Variants in NRXN1 observed in about 807,000 individuals in gnomAD.
The protein encoded by NRXN1 is neurexin-1.
NRXN1 carries 39 observed loss-of-function variants against 150.9 expected under a neutral mutation model. That is an observed-to-expected ratio of 0.26 (90% CI 0.20 to 0.34). The LOEUF is 0.34. Among genes scored for constraint, NRXN1 ranks in the 10% least tolerant of loss-of-function variants. NRXN1 has a pLI of 1.00. For synonymous variants in NRXN1, 924 were observed against 757.0 expected, an observed-to-expected ratio of 1.22 and a Z score of -3.62; for missense variants, 1,815 against 1,949.9, an observed-to-expected ratio of 0.93 and a Z score of 1.30.
At chr2:50,388,919 C>T (rs1036085219) in intron 17 of NRXN1, among the ~76,000 whole-genome samples, 1 of 151,948 alleles carries the variant, frequency 6.6e-6, no homozygotes, top group African/African-American at 2.4e-5. Flanking sequence ...ATTATGTGGT[C>T]ACTACATTAA....
chr2:50,151,511 G>A (rs1042504165), intron 18 of NRXN1, among the ~76,000 whole-genome samples: 1 of 151,666 alleles, frequency 6.6e-6, no homozygotes, highest in Admixed American at 6.6e-5. Context: ...AAACAGGGGA[G>A]GTTAGGCCTC....
At chr2:50,392,572 A>G (rs1432932227) in intron 17 of NRXN1, among the ~76,000 whole-genome samples, 1 of 152,170 alleles carries the variant, frequency 6.6e-6, no homozygotes, top group Non-Finnish European at 1.5e-5. Context: ...ATTTTGAGCT[A>G]AACTCTCAGA....
At chr2:50,837,618 T>C (rs914476687) in intron 5 of NRXN1, among the ~76,000 whole-genome samples, 2 of 152,130 alleles carry the variant, frequency 1.3e-5, no homozygotes, top group African/African-American at 4.8e-5. Flanking sequence ...AAATCAATAT[T>C]ATTTCTGAAC....
intron 12 of NRXN1, among the ~76,000 whole-genome samples, chr2:50,515,789 CT>C (rs750192091): frequency 6.6e-6 from 1 of 152,044 alleles, no homozygotes; most frequent in Non-Finnish European, 1.5e-5. Context: ...GGAAGCAAGC[CT>C]TGTCATTGTG....
chr2:50,543,374 T>G (rs1320498378), intron 9 of NRXN1, among the ~76,000 whole-genome samples: 1 of 152,118 alleles, frequency 6.6e-6, no homozygotes, highest in Non-Finnish European at 1.5e-5. Context: ...TATTTAAGAA[T>G]CTGAAGCACC....
intron 2 of NRXN1, among the ~76,000 whole-genome samples, chr2:51,007,094 G>A (rs1213535207): frequency 1.3e-5 from 2 of 151,860 alleles, no homozygotes. Flanking sequence ...TTTTTCTCTA[G>A]TGCATAAATT....
intron 18 of NRXN1, among the ~76,000 whole-genome samples, chr2:50,208,593 G>A (rs57411637): frequency 0.25 from 37,987 of 151,880 alleles, 5,243 homozygotes; most frequent in East Asian, 0.43. Context: ...GGTGGTGGAG[G>A]GTCTTGGCTC....
At chr2:50,072,687 T>C (rs1157498951) in intron 19 of NRXN1, among the ~76,000 whole-genome samples, 1 of 152,142 alleles carries the variant, frequency 6.6e-6, no homozygotes, top group Non-Finnish European at 1.5e-5. Context: ...CTTACATTGT[T>C]GTGCTTTTTC....
intron 19 of NRXN1, among the ~76,000 whole-genome samples, chr2:50,079,255 T>C (rs960832829): frequency 6.6e-6 from 1 of 152,110 alleles, no homozygotes; most frequent in African/African-American, 2.4e-5. Context: ...CGCTCCTTTG[T>C]CATGCTTCTC....
chr2:50,251,022 A>G (rs147332228), intron 17 of NRXN1, among the ~76,000 whole-genome samples: 2,740 of 150,668 alleles, frequency 0.018, 86 homozygotes, highest in African/African-American at 0.064. Context: ...AATATTACAT[A>G]TTGTATATGT....
At chr2:50,768,434 G>A (rs1702608745) in intron 5 of NRXN1, among the ~76,000 whole-genome samples, 2 of 151,580 alleles carry the variant, frequency 1.3e-5, no homozygotes, top group African/African-American at 2.4e-5. Context: ...TCAACCTCCT[G>A]AGTAGCTAGG....
At chr2:50,384,505 C>CAAAAAAAAAA (rs56052881) in intron 17 of NRXN1, among the ~76,000 whole-genome samples, 2 of 55,970 alleles carry the variant, frequency 3.6e-5, no homozygotes, top group African/African-American at 1.3e-4. Context: ...GACTCCATCT[C>CAAAAAAAAAA]AAAAAAAAAA....
intron 5 of NRXN1, among the ~76,000 whole-genome samples, chr2:50,902,350 T>C (rs932056214): frequency 3.3e-5 from 5 of 149,938 alleles, no homozygotes; most frequent in Admixed American, 2.0e-4. Flanking sequence ...GAGTTTAGAA[T>C]AGAAGAAGAA....
At chr2:50,833,622 AG>A (rs1559328911) in intron 5 of NRXN1, among the ~76,000 whole-genome samples, 1 of 152,194 alleles carries the variant, frequency 6.6e-6, no homozygotes, top group Non-Finnish European at 1.5e-5. Context: ...AGAAATGGTC[AG>A]TGGATGCCAT....
intron 18 of NRXN1, among the ~76,000 whole-genome samples, chr2:50,164,742 T>C (rs2059570769): frequency 6.6e-6 from 1 of 152,170 alleles, no homozygotes; most frequent in African/African-American, 2.4e-5. Context: ...CATAAGGTGA[T>C]CTGAGGATCA....
At chr2:50,553,965 C>T (rs1420349863) in intron 8 of NRXN1, among the ~76,000 whole-genome samples, 2 of 152,030 alleles carry the variant, frequency 1.3e-5, no homozygotes, top group African/African-American at 2.4e-5. Context: ...AGAAGGACAC[C>T]TTTTCTCTAC....
At chr2:50,387,403 C>A (rs978500305) in intron 17 of NRXN1, among the ~76,000 whole-genome samples, 3 of 152,104 alleles carry the variant, frequency 2.0e-5, no homozygotes, top group African/African-American at 7.2e-5. Flanking sequence ...AGTTGTTTTT[C>A]TCTCACTGGG....
intron 17 of NRXN1, among the ~76,000 whole-genome samples, chr2:50,369,372 T>C (rs1170416356): frequency 6.6e-6 from 1 of 152,022 alleles, no homozygotes; most frequent in African/African-American, 2.4e-5. Context: ...ATTAAGCTTA[T>C]TAAGTGTACT....
intron 19 of NRXN1, among the ~76,000 whole-genome samples, chr2:50,081,946 A>C (rs1698029942): frequency 6.6e-6 from 1 of 151,646 alleles, no homozygotes; most frequent in South Asian, 2.1e-4. Flanking sequence ...AGATACTTTT[A>C]GGTAATAGTC....
Sources: gnomAD v4.1 joint callset for allele counts (sites outside exome capture counted in the v4.1 genomes callset) on GRCh38, gnomAD v4.1.1 for gene constraint, MANE v1.5 for transcripts, NCBI Gene and HGNC (gene_info 2026-07-23, HGNC 2026-07-21) for gene names.